UGT1A8: variants seen among roughly 807,000 people sequenced by gnomAD.
UGT1A8 encodes the protein UDP-glucuronosyltransferase 1A8.
A neutral mutation model predicts 45.3 loss-of-function variants in UGT1A8; 39 were observed. The observed-to-expected ratio is 0.86, with a 90% CI of 0.67 to 1.12. The LOEUF (loss-of-function observed/expected upper bound fraction) is 1.12, where lower values mean the gene tolerates loss of function less well. UGT1A8 is among the 50% of genes most tolerant of loss of function. UGT1A8 has a pLI of 0.00. For synonymous variants in UGT1A8, 275 were observed against 249.2 expected (o/e 1.10, Z -0.97); for missense variants, 719 against 664.9 (o/e 1.08, Z -0.90).
At chr2:233,749,984 G>T (rs1236503942) in intron 1 of UGT1A8, among the ~76,000 whole-genome samples, 1 of 151,836 alleles carries the variant, frequency 6.6e-6, no homozygotes, top group African/African-American at 2.4e-5. Flanking sequence ...TGTGAGAATG[G>T]ACTAATATAT....
At chr2:233,767,689 G>A (rs541366705) in intron 2 of UGT1A8, among the ~76,000 whole-genome samples, 160 bp from the exon 3 acceptor site, 3 of 152,308 alleles carry the variant, frequency 2.0e-5, no homozygotes, top group Non-Finnish European at 4.4e-5. Context: ...ACAAGATGCC[G>A]GAAGTTGCCA....
chr2:233,724,316 G>C (rs1421066037), intron 1 of UGT1A8, among the ~76,000 whole-genome samples: 63 of 131,144 alleles, frequency 4.8e-4, no homozygotes, highest in East Asian at 1.0e-3. Context: ...TCCCGGACGG[G>C]GCGGCTGGCC....
intron 1 of UGT1A8, among the ~76,000 whole-genome samples, chr2:233,727,126 AG>A (rs2077585315): frequency 1.3e-5 from 2 of 152,202 alleles, no homozygotes; most frequent in Non-Finnish European, 2.9e-5. Flanking sequence ...AGATTGGCAG[AG>A]GGGAACAAGA....
In UGT1A8 at chr2:233,769,399, A is replaced by G. The variant is rs1699854887; in HGVS notation, c.1295+960A>G. The G allele has an allele frequency of 1.7e-6, 2 of 1,170,288 alleles. No homozygotes were observed. Among genetic ancestry groups the G allele is most frequent in the Non-Finnish European group, 2.5e-6 (2 of 810,196 alleles). 72.5% of individuals were successfully genotyped at this position (1,170,288 alleles called of 1,614,324 possible). A position where few individuals can be genotyped will look rare whatever the true frequency, so the allele number is the denominator to read the frequency against. On this transcript the variant is annotated intron_variant, in intron 4 of 4. Transcript: ENST00000373450. This position sits in a 1 kb window ranked among gnomAD's most constrained non-coding sequence, Gnocchi z 4.4. ...ATCCGACAATAGATACTGTGTGCAT[A>G]TGTGCGTGTGCGTTTGTGCATGTGG...
intron 1 of UGT1A8, among the ~76,000 whole-genome samples, chr2:233,711,520 T>C (rs1354665738): frequency 6.6e-6 from 1 of 152,188 alleles, no homozygotes; most frequent in African/African-American, 2.4e-5. Flanking sequence ...CTCTGTGTCC[T>C]CACAACTCCC....
At chr2:233,746,142 G>A (rs1693316730) in intron 1 of UGT1A8, among the ~76,000 whole-genome samples, 1 of 151,850 alleles carries the variant, frequency 6.6e-6, no homozygotes, top group Admixed American at 6.5e-5. Flanking sequence ...GCACCTGAGT[G>A]ATAGCATGAT....
intron 1 of UGT1A8, among the ~76,000 whole-genome samples, chr2:233,684,383 C>T (rs1039827324): frequency 6.6e-6 from 1 of 152,194 alleles, no homozygotes; most frequent in Non-Finnish European, 1.5e-5. Flanking sequence ...CCATCAATTA[C>T]AGCACCAGCC....
rs1355599661 is a variant in UGT1A8, at chr2:233,766,653, G to C, written c.856-381G>C. Among the ~76,000 whole-genome samples the C allele has an allele frequency of 2.6e-5, 4 of 152,090 alleles. No individual in the cohort carries two copies. In the East Asian group the frequency reaches 7.7e-4, roughly 29 times the overall value. On this transcript the variant is annotated intron_variant, in intron 1 of 4. Transcript: ENST00000373450. ...TCCCTACTTCCATATCATTTAAAGG[G>C]ACCACGCCCTTCCCAGCTCTTCCCT...
intron 1 of UGT1A8, among the ~76,000 whole-genome samples, chr2:233,750,457 C>T (rs542993869): frequency 6.6e-5 from 10 of 152,092 alleles, no homozygotes; most frequent in African/African-American, 2.4e-4. Flanking sequence ...AAACCAGCTA[C>T]AGAAATACTG....
At position 233,769,266 on chromosome 2, in the gene UGT1A8, CA is replaced by C. The variant is rs1253780369; in HGVS notation, c.1295+830del. ...CTCAAATGTGGCCCTGAAAACGATT[CA>C]AAGGGCAAATGATTTCTGGATTAAA... is the stretch of plus-strand genomic sequence containing the variant. On this transcript the variant is annotated intron_variant, in intron 4 of 4. Coordinates refer to ENST00000373450, the MANE Select transcript of UGT1A8 (RefSeq NM_019076.5). The surrounding 1 kb of genome is among the most constrained non-coding windows in gnomAD (Gnocchi z 4.4). Among the ~76,000 whole-genome samples, 1 of 152,194 alleles carries C rather than the reference CA, an allele frequency of 6.6e-6. No individual in the cohort carries two copies. The highest frequency in any genetic ancestry group is 1.5e-5 in the Non-Finnish European group (1 of 68,034).
intron 1 of UGT1A8, among the ~76,000 whole-genome samples, chr2:233,697,557 G>A (rs1418823193): frequency 2.0e-5 from 3 of 146,378 alleles, no homozygotes; most frequent in African/African-American, 7.6e-5. Context: ...TGTTTATTTA[G>A]CCTCAATTTA....
At chr2:233,682,483 G>A (rs1462405712) in intron 1 of UGT1A8, 2 of 1,613,920 alleles carry the variant, frequency 1.2e-6, no homozygotes, top group South Asian at 1.1e-5. Context: ...AAGGTGCACA[G>A]TGCCCTGCTC....
chr2:233,760,647 T>G (rs1697515072), intron 1 of UGT1A8: 1 of 1,614,134 alleles, frequency 6.2e-7, no homozygotes, highest in African/African-American at 1.3e-5. Context: ...AAAAGGACTC[T>G]GCTATGCTTT....
chr2:233,729,923 C>G (rs760546149), intron 1 of UGT1A8: 1 of 1,614,016 alleles, frequency 6.2e-7, no homozygotes, highest in Non-Finnish European at 8.5e-7. Flanking sequence ...ATGGACTACC[C>G]CAGGCCAATC....
intron 1 of UGT1A8, among the ~76,000 whole-genome samples, chr2:233,639,147 TA>T (rs1197647104): frequency 1.3e-5 from 2 of 152,196 alleles, no homozygotes; most frequent in East Asian, 1.9e-4. Context: ...GGGATATCTA[TA>T]AAAAATGAAA....
At chr2:233,738,017 G>A (rs1338863372) in intron 1 of UGT1A8, among the ~76,000 whole-genome samples, 1 of 152,028 alleles carries the variant, frequency 6.6e-6, no homozygotes, top group Non-Finnish European at 1.5e-5. Flanking sequence ...ATCTTGAATT[G>A]TAATCCCCAT....
intron 1 of UGT1A8, chr2:233,682,263 TAAC>T: frequency 6.2e-7 from 1 of 1,614,216 alleles, no homozygotes; most frequent in South Asian, 1.1e-5. Flanking sequence ...TTTTCTCTAT[TAAC>T]AAGTTCATCC....
At chr2:233,667,989 A>T (rs12471546) in intron 1 of UGT1A8, among the ~76,000 whole-genome samples, 2,134 of 152,288 alleles carry the variant, frequency 0.014, 49 homozygotes, top group Admixed American at 0.061. Flanking sequence ...GGGTGCAAAA[A>T]ATTGCACTAA....
intron 1 of UGT1A8, chr2:233,672,324 C>CA: frequency 6.2e-7 from 1 of 1,613,874 alleles, no homozygotes; most frequent in Middle Eastern, 1.7e-4. Context: ...TGTTTAAAGA[C>CA]AAAAAATTAG....
Sources: allele counts gnomAD v4.1 joint callset (sites outside exome capture counted in the v4.1 genomes callset), GRCh38; gene constraint gnomAD v4.1.1; non-coding constraint Gnocchi (gnomAD v3.1); transcripts MANE v1.5; gene names NCBI Gene and HGNC (gene_info 2026-07-23, HGNC 2026-07-21).